Variants in ASTN2 observed in about 807,000 individuals in gnomAD.
ASTN2 encodes astrotactin 2.
Under a neutral mutation model 139.8 loss-of-function variants are expected in ASTN2, and 54 were observed. The observed-to-expected ratio is 0.39, with a 90% CI of 0.31 to 0.48. ASTN2 has a LOEUF of 0.48. Among genes scored for constraint, ASTN2 ranks in the 20% least tolerant of loss-of-function variants. ASTN2 has a pLI of 0.95. For synonymous variants in ASTN2, 756 were observed against 719.5 expected, an observed-to-expected ratio of 1.05 and a Z score of -0.81; for missense variants, 1,565 against 1,725.1, an observed-to-expected ratio of 0.91 and a Z score of 1.64.
chr9:116,808,343 C>A (rs573481699), intron 12 of ASTN2, among the ~76,000 whole-genome samples: 17 of 151,722 alleles, frequency 1.1e-4, no homozygotes, highest in Non-Finnish European at 2.4e-4. Context: ...TTCTTTGAAT[C>A]TGTCGACTAA....
At chr9:116,788,812 A>G (rs1231230015) in intron 13 of ASTN2, among the ~76,000 whole-genome samples, 1 of 152,160 alleles carries the variant, frequency 6.6e-6, no homozygotes, top group Non-Finnish European at 1.5e-5. Flanking sequence ...AACAAGTTTG[A>G]ACACAGCCTT....
chr9:116,963,361 C>T (rs1156796922), intron 10 of ASTN2, among the ~76,000 whole-genome samples: 1 of 152,124 alleles, frequency 6.6e-6, no homozygotes, highest in African/African-American at 2.4e-5. Context: ...GAGGAAATAG[C>T]AATTGAGGAC....
intron 1 of ASTN2, among the ~76,000 whole-genome samples, chr9:117,364,670 C>T (rs1274589048): frequency 6.6e-6 from 1 of 152,172 alleles, no homozygotes; most frequent in East Asian, 1.9e-4. Context: ...TGAAGAGATG[C>T]TAGTTTATAA....
rs549854205 is a variant in ASTN2 at position 117,133,904 on chromosome 9, A to G, written c.1168+7422T>C. Among the ~76,000 whole-genome samples the G allele has an allele frequency of 1.4e-4, 22 of 152,282 alleles. No individual in the cohort carries two copies. In the East Asian group the frequency reaches 3.9e-3, roughly 27 times the overall value. ...GAGGTAAAAGGAGTTATTTCATCAT[A>G]GACTCAGGGCTGGTCTCCAGGTAGT... On this transcript the variant is annotated intron_variant, in intron 4 of 22. Coordinates refer to ENST00000313400, the MANE Select transcript of ASTN2 (RefSeq NM_001365068.1).
chr9:116,758,936 C>G (rs1829602052), intron 13 of ASTN2, among the ~76,000 whole-genome samples: 1 of 152,182 alleles, frequency 6.6e-6, no homozygotes, highest in Admixed American at 6.5e-5. Context: ...CTCTGTCACC[C>G]AGGCTGGAGC....
At chr9:116,673,200 T>C (rs962992789) in intron 16 of ASTN2, among the ~76,000 whole-genome samples, 1 of 152,198 alleles carries the variant, frequency 6.6e-6, no homozygotes, top group Non-Finnish European at 1.5e-5. Context: ...TCCCACACTG[T>C]GGAGTGTTCT....
intron 12 of ASTN2, among the ~76,000 whole-genome samples, chr9:116,812,817 A>C (rs1170704340): frequency 6.6e-6 from 1 of 152,106 alleles, no homozygotes; most frequent in Non-Finnish European, 1.5e-5. Context: ...AGCATATCAC[A>C]ACTGTGGATT....
rs144482300 is a variant in ASTN2, at chr9:117,384,981, C to T, written c.442+29516G>A. On this transcript the variant is annotated intron_variant, in intron 1 of 22. Coordinates refer to ENST00000313400, the MANE Select transcript of ASTN2 (RefSeq NM_001365068.1). ...GGATGATGGAAATCCACAACAAATA[C>T]CTCAGTATTTCCTTTCCTGTCCATA... 4.5e-4 allele frequency among the ~76,000 whole-genome samples: 69 copies of T among 152,228 alleles called. 1 individual carries two copies. The East Asian group carries it at 0.013, about 29-fold the overall frequency.
intron 2 of ASTN2, among the ~76,000 whole-genome samples, chr9:117,252,915 C>T (rs1000684469): frequency 1.5e-4 from 22 of 151,668 alleles, no homozygotes; most frequent in African/African-American, 4.1e-4. Flanking sequence ...GCCTGGCTCT[C>T]AGTAAGTGCT....
chr9:117,330,174 A>G (rs955613205), intron 1 of ASTN2, among the ~76,000 whole-genome samples: 2 of 152,294 alleles, frequency 1.3e-5, no homozygotes, highest in South Asian at 2.1e-4. Context: ...GCCCAAGTCA[A>G]CCTGGATGCT....
At chr9:116,957,043 C>T (rs886978988) in intron 10 of ASTN2, among the ~76,000 whole-genome samples, 4 of 142,552 alleles carry the variant, frequency 2.8e-5, no homozygotes, top group East Asian at 1.9e-4. Context: ...ATCAGATTCC[C>T]AGTTAATTTT....
intron 3 of ASTN2, among the ~76,000 whole-genome samples, chr9:117,157,784 C>A (rs973826716): frequency 2.6e-5 from 4 of 151,798 alleles, no homozygotes; most frequent in Non-Finnish European, 5.9e-5. Context: ...AGCGAATGAC[C>A]CCATCGTGAT....
intron 4 of ASTN2, among the ~76,000 whole-genome samples, chr9:117,126,129 A>C (rs1289501276): frequency 6.6e-6 from 1 of 152,258 alleles, no homozygotes; most frequent in Non-Finnish European, 1.5e-5. Flanking sequence ...ATTAGGTCAG[A>C]AAATGAATAT....
intron 3 of ASTN2, among the ~76,000 whole-genome samples, chr9:117,177,129 C>T (rs1015813754): frequency 6.6e-6 from 1 of 152,106 alleles, no homozygotes; most frequent in Non-Finnish European, 1.5e-5. Flanking sequence ...TATTTCATAA[C>T]CTGTGTGAGT....
At chr9:116,720,833 C>T (rs1231692326) in intron 16 of ASTN2, among the ~76,000 whole-genome samples, 1 of 152,168 alleles carries the variant, frequency 6.6e-6, no homozygotes, top group Admixed American at 6.5e-5. Context: ...TCTCCCCAGT[C>T]CAGTTCCACA....
At chr9:117,091,847 T>G (rs1198131779) in intron 5 of ASTN2, among the ~76,000 whole-genome samples, 1 of 152,090 alleles carries the variant, frequency 6.6e-6, no homozygotes, top group East Asian at 1.9e-4. Flanking sequence ...CTACTTACAT[T>G]TGTAAAGATG....
chr9:116,496,788 A>C (rs1849681297), intron 19 of ASTN2, among the ~76,000 whole-genome samples: 1 of 152,220 alleles, frequency 6.6e-6, no homozygotes, highest in African/African-American at 2.4e-5. Flanking sequence ...GAGCAAAGGC[A>C]CGTCTTACGT....
At chr9:116,727,013 AACACACACACACACACACACAC>A (rs34050784) in intron 15 of ASTN2, among the ~76,000 whole-genome samples, 21 of 144,532 alleles carry the variant, frequency 1.5e-4, no homozygotes, top group Admixed American at 4.1e-4. Context: ...CACTACACTC[AACACACACACACACACACACAC>A]ACACACACAC....
intron 6 of ASTN2, among the ~76,000 whole-genome samples, chr9:117,025,279 A>G (rs1265648131): frequency 1.3e-5 from 2 of 152,148 alleles, no homozygotes; most frequent in African/African-American, 2.4e-5. Context: ...TGGCTCTAAC[A>G]TTCTACACTT....
Sources: gnomAD v4.1 joint callset for allele counts (sites outside exome capture counted in the v4.1 genomes callset) on GRCh38, gnomAD v4.1.1 for gene constraint, MANE v1.5 for transcripts, NCBI Gene and HGNC (gene_info 2026-07-23, HGNC 2026-07-21) for gene names.